Variants in PRDM1 observed in about 807,000 individuals in gnomAD.
PRDM1 encodes PR domain zinc finger protein 1.
A neutral mutation model predicts 62.8 loss-of-function variants in PRDM1; 13 were observed. The ratio of observed to expected loss-of-function variants is 0.21; its 90% CI spans 0.13 to 0.33. PRDM1 has a LOEUF of 0.33. Among genes scored for constraint, PRDM1 ranks in the 10% least tolerant of loss-of-function variants. PRDM1 has a pLI of 1.00. For missense variants in PRDM1, 895 were observed against 1,058.8 expected, an observed-to-expected ratio of 0.85 and a Z score of 2.15; for synonymous variants, 396 against 417.6, an observed-to-expected ratio of 0.95 and a Z score of 0.63.
chr6:106,044,323 T>C (rs1425096184), upstream of PRDM1, among the ~76,000 whole-genome samples: 1 of 152,134 alleles, frequency 6.6e-6, no homozygotes, highest in Non-Finnish European at 1.5e-5. Flanking sequence ...AAGTTATAAT[T>C]AAGTAACTAA....
At chr6:106,019,177 A>C (rs1305213424) in intron 1 of PRDM1, among the ~76,000 whole-genome samples, 1 of 142,456 alleles carries the variant, frequency 7.0e-6, no homozygotes, top group African/African-American at 2.6e-5. Flanking sequence ...GAGGCACAAG[A>C]ATCGCTTCAA....
intron 1 of PRDM1, among the ~76,000 whole-genome samples, chr6:106,037,949 C>T (rs1042011810): frequency 4.0e-5 from 6 of 148,572 alleles, no homozygotes; most frequent in African/African-American, 1.5e-4. Flanking sequence ...GTTGGACATT[C>T]GAAACAAATA....
intron 1 of PRDM1, among the ~76,000 whole-genome samples, chr6:106,062,835 G>A (rs983633669): frequency 6.6e-6 from 1 of 152,180 alleles, no homozygotes; most frequent in Non-Finnish European, 1.5e-5. Flanking sequence ...TTGTTGGGAA[G>A]GAATGGGAGT....
intron 1 of PRDM1, among the ~76,000 whole-genome samples, chr6:106,038,578 A>G (rs1772952881): frequency 6.6e-6 from 1 of 152,196 alleles, no homozygotes; most frequent in African/African-American, 2.4e-5. Flanking sequence ...GGACCTTGTA[A>G]TAAAGGGATG....
At chr6:106,075,931 C>G (rs1432061413) in intron 1 of PRDM1, among the ~76,000 whole-genome samples, 1 of 150,882 alleles carries the variant, frequency 6.6e-6, no homozygotes, top group Non-Finnish European at 1.5e-5. Flanking sequence ...ATAAAAATCA[C>G]TACAGGGAAA....
chr6:106,050,542 A>C (rs1773156197), intron 1 of PRDM1, among the ~76,000 whole-genome samples: 1 of 152,184 alleles, frequency 6.6e-6, no homozygotes, highest in Admixed American at 6.5e-5. Flanking sequence ...CTTTCACAAA[A>C]ACAGATGAGC....
chr6:106,045,572 T>C (rs920433581), upstream of PRDM1: 9 of 152,248 alleles, frequency 5.9e-5, no homozygotes, highest in Non-Finnish European at 1.2e-4. Flanking sequence ...AACGTTGTTC[T>C]CTTTTATTAG....
At chr6:106,089,678 T>G (rs1481793878) in intron 2 of PRDM1, among the ~76,000 whole-genome samples, 1 of 152,204 alleles carries the variant, frequency 6.6e-6, no homozygotes, top group Non-Finnish European at 1.5e-5. Context: ...ACCAAAAAAT[T>G]TAACCCCAGA....
rs1773809465 is a variant in PRDM1, at chr6:106,086,496, C to G, written c.-58C>G. Reference sequence around the variant, plus strand: ...GAGGTGCGCGTCTGTGCGGCTCAGCCTGGCGGGGGACGCGGGGAGAATGTG... The same window carrying G: ...GAGGTGCGCGTCTGTGCGGCTCAGCGTGGCGGGGGACGCGGGGAGAATGTG... On this transcript the variant is annotated 5_prime_UTR_variant, in exon 1 of 7. Coordinates refer to ENST00000369096, the MANE Select transcript of PRDM1 (RefSeq NM_001198.4). 1.1e-5 allele frequency: 17 copies of G among 1,513,354 alleles called. No homozygotes were observed. Among genetic ancestry groups the G allele is most frequent in the Non-Finnish European group, 1.5e-5 (17 of 1,115,040 alleles). 93.7% of individuals were successfully genotyped at this position (1,513,354 alleles called of 1,614,324 possible).
intron 1 of PRDM1, among the ~76,000 whole-genome samples, chr6:106,036,160 T>A (rs189933518): frequency 1.3e-5 from 2 of 152,270 alleles, no homozygotes; most frequent in Admixed American, 1.3e-4. Context: ...TGTTTTTTGT[T>A]TTTTGTGAGA....
At chr6:106,020,216 C>T (rs1582428261) in intron 1 of PRDM1, among the ~76,000 whole-genome samples, 1 of 148,058 alleles carries the variant, frequency 6.8e-6, no homozygotes, top group East Asian at 2.0e-4. Flanking sequence ...CAAACAAAAA[C>T]ATGAAAGTTA....
intron 1 of PRDM1, among the ~76,000 whole-genome samples, chr6:106,050,066 C>T (rs1180061087): frequency 6.6e-6 from 1 of 152,154 alleles, no homozygotes; most frequent in Admixed American, 6.5e-5. Flanking sequence ...AGTCTGAACT[C>T]CAATGCTGGT....
intron 1 of PRDM1, among the ~76,000 whole-genome samples, chr6:105,998,910 TATATATATATATATATATATA>T (rs1562141177): frequency 0.014 from 128 of 9,250 alleles, no homozygotes; most frequent in South Asian, 0.028. Flanking sequence ...TATATATATA[TATATATATATATATATATATA>T]TATTTTTTTT....
In PRDM1 at chr6:106,105,702, C is replaced by T. The variant is rs767124346; in HGVS notation, c.1542C>T (p.Ser514=). 1.1e-5 allele frequency: 17 copies of T among 1,613,706 alleles called. No individual in the cohort carries two copies. In the South Asian group the frequency reaches 1.3e-4, roughly 13 times the overall value. ...AGGACAAGGCCTGTAGCCCCACAAG[C>T]GGGTCTCCCACGGCGGGAACAGCCG... ...SMKDKACSPT[S]GSPTAGTAAT... Residue 514 remains serine (S), a synonymous_variant, in exon 5 of 7, where the codon AGC becomes AGT. Transcript: ENST00000369096.
chr6:105,998,045 CAA>C (rs1772371017), intron 1 of PRDM1, among the ~76,000 whole-genome samples: 1 of 152,122 alleles, frequency 6.6e-6, no homozygotes, highest in Non-Finnish European at 1.5e-5. Flanking sequence ...TTATGTTAAA[CAA>C]AGTGCAGGGA....
At chr6:105,999,315 G>A (rs1562141368) in intron 1 of PRDM1, among the ~76,000 whole-genome samples, 1 of 151,966 alleles carries the variant, frequency 6.6e-6, no homozygotes, top group Non-Finnish European at 1.5e-5. Context: ...CCAGCACTTT[G>A]GGAGGCAAGG....
rs909972024 is a variant in PRDM1 at position 106,109,230 on chromosome 6, C to G, written c.*1744C>G. Reference sequence around the variant, plus strand: ...AAAACCTTGGTGCAGTGGTGGGGACCACAAAACAACCAGGGAGGAAGAGAT... The same window carrying G: ...AAAACCTTGGTGCAGTGGTGGGGACGACAAAACAACCAGGGAGGAAGAGAT... On this transcript the variant is annotated 3_prime_UTR_variant, in exon 7 of 7. Transcript: ENST00000369096. The G allele has an allele frequency of 4.3e-6, 1 of 230,830 alleles. No homozygotes were observed. Among genetic ancestry groups the G allele is most frequent in the African/African-American group, 2.2e-5 (1 of 45,266 alleles). 14.3% of individuals were successfully genotyped at this position (230,830 alleles called of 1,614,324 possible).
In PRDM1 at chr6:106,107,352, AATG is replaced by A. The variant is rs757403651; in HGVS notation, c.2345_2347del (p.Asn782_Gly783delinsArg). The A allele has an allele frequency of 6.2e-7, 1 of 1,614,112 alleles. No individual in the cohort carries two copies. Among genetic ancestry groups the A allele is most frequent in the Admixed American group, 1.7e-5 (1 of 60,024 alleles). On this transcript the variant is annotated inframe_deletion, in exon 7 of 7. Coordinates refer to ENST00000369096, the MANE Select transcript of PRDM1 (RefSeq NM_001198.4). The stretch of plus-strand genomic sequence containing the variant: ...AGTGTCTTTGCAAAGAAACATGGGG[AATG>A]GACTCCTCTCCTCAGGGTGCAGCCT...
At chr6:106,065,436 C>T (rs903671777) in intron 1 of PRDM1, among the ~76,000 whole-genome samples, 3 of 152,118 alleles carry the variant, frequency 2.0e-5, no homozygotes, top group South Asian at 2.1e-4. Context: ...TCTTTTATAG[C>T]GTCTCGTGTT....
Sources: gnomAD v4.1 joint callset for allele counts (sites outside exome capture counted in the v4.1 genomes callset) on GRCh38, gnomAD v4.1.1 for gene constraint, MANE v1.5 for transcripts, NCBI Gene and HGNC (gene_info 2026-07-23, HGNC 2026-07-21) for gene names.